GPR149: variants seen among roughly 807,000 people sequenced by gnomAD.
The protein encoded by GPR149 is probable G protein-coupled receptor 149.
Under a neutral mutation model 50.2 loss-of-function variants are expected in GPR149, and 50 were observed. The observed-to-expected ratio is 1.00, with a 90% confidence interval of 0.79 to 1.26. The LOEUF (loss-of-function observed/expected upper bound fraction) is 1.26. Among genes scored for constraint, GPR149 ranks in the 50% most tolerant of loss-of-function variants. The pLI, the probability that GPR149 is intolerant of heterozygous loss-of-function variation, is 0.00. For missense variants in GPR149, 983 were observed against 895.4 expected, an observed-to-expected ratio of 1.10 and a Z score of -1.25; for synonymous variants, 405 against 358.2, an observed-to-expected ratio of 1.13 and a Z score of -1.48.
rs1435626536 is a variant in GPR149, at chr3:154,429,022, G to A, written c.594C>T (p.Tyr198=). 5 of 1,614,046 alleles carry A rather than the reference G, an allele frequency of 3.1e-6. No homozygotes were observed. The highest frequency in any genetic ancestry group is 1.7e-5 in the Admixed American group (1 of 60,032). Residue 198 remains tyrosine (Y), a synonymous_variant, in exon 1 of 4, where the codon TAC becomes TAT. Transcript: ENST00000389740. ...SSYVLFLSIV[Y]ALAFGLLVGL... ...CCACGAGGAGTCCGAAGGCCAAAGC[G>A]TACACGATAGAGAGGAATAGTACGT... is the stretch of plus-strand genomic sequence containing the variant.
chr3:154,419,403 G>T (rs751027622), intron 3 of GPR149, among the ~76,000 whole-genome samples: 8 of 151,940 alleles, frequency 5.3e-5, no homozygotes, highest in Non-Finnish European at 1.0e-4. Context: ...ATGTTAAGTT[G>T]TGGTATTTTA....
At chr3:154,406,263 A>C (rs1169172635) in intron 3 of GPR149, among the ~76,000 whole-genome samples, 1 of 152,226 alleles carries the variant, frequency 6.6e-6, no homozygotes, top group Non-Finnish European at 1.5e-5. Context: ...AAGTGTGATA[A>C]TATACACTGT....
chr3:154,405,796 G>A (rs1024777456), intron 3 of GPR149, among the ~76,000 whole-genome samples: 2 of 151,506 alleles, frequency 1.3e-5, no homozygotes, highest in Non-Finnish European at 2.9e-5. Context: ...ATGGACCTGG[G>A]ATCAAAATAG....
At chr3:154,396,481 C>CG (rs1715296596) in intron 3 of GPR149, among the ~76,000 whole-genome samples, 1 of 152,060 alleles carries the variant, frequency 6.6e-6, no homozygotes, top group South Asian at 2.1e-4. Flanking sequence ...CTCCACAAAT[C>CG]TAAATTTGTT....
At chr3:154,398,083 A>G (rs909105803) in intron 3 of GPR149, among the ~76,000 whole-genome samples, 11 of 152,176 alleles carry the variant, frequency 7.2e-5, no homozygotes, top group African/African-American at 9.7e-5. Flanking sequence ...ATATATACAC[A>G]CTTATACACA....
chr3:154,363,962 A>C (rs879652677), intron 3 of GPR149, among the ~76,000 whole-genome samples: 1 of 152,288 alleles, frequency 6.6e-6, no homozygotes, highest in Non-Finnish European at 1.5e-5. Context: ...TGGGACAAGA[A>C]CCTGGAACTC....
chr3:154,387,311 G>A (rs1214202256), intron 3 of GPR149, among the ~76,000 whole-genome samples: 1 of 152,134 alleles, frequency 6.6e-6, no homozygotes, highest in Non-Finnish European at 1.5e-5. Context: ...CAATTTTCTT[G>A]AGGTACTGTC....
intron 3 of GPR149, among the ~76,000 whole-genome samples, chr3:154,409,148 C>G (rs1020640203): frequency 1.3e-5 from 2 of 152,198 alleles, no homozygotes; most frequent in Admixed American, 6.5e-5. Context: ...ACAGTTTGGC[C>G]TCTGGAAGCC....
At chr3:154,392,444 A>G (rs1715192694) in intron 3 of GPR149, among the ~76,000 whole-genome samples, 1 of 151,860 alleles carries the variant, frequency 6.6e-6, no homozygotes, top group Non-Finnish European at 1.5e-5. Flanking sequence ...AAGAGGTACT[A>G]AGAGAGAAGT....
At chr3:154,390,282 A>C (rs1283210478) in intron 3 of GPR149, among the ~76,000 whole-genome samples, 3 of 152,210 alleles carry the variant, frequency 2.0e-5, no homozygotes, top group Non-Finnish European at 4.4e-5. Flanking sequence ...GATTTACCTG[A>C]TAGAAAATTC....
intron 3 of GPR149, among the ~76,000 whole-genome samples, chr3:154,340,091 C>T (rs1713755901): frequency 6.6e-6 from 1 of 151,986 alleles, no homozygotes; most frequent in Non-Finnish European, 1.5e-5. Flanking sequence ...CGTGCCCGGC[C>T]CACGCTCTAC....
At chr3:154,352,796 C>T in intron 3 of GPR149, 1 of 823,512 alleles carries the variant, frequency 1.2e-6, no homozygotes, top group Admixed American at 1.7e-5. Context: ...GAAGGAACAC[C>T]TACACATTTA....
At chr3:154,411,161 A>G (rs1371801116) in intron 3 of GPR149, among the ~76,000 whole-genome samples, 1 of 152,176 alleles carries the variant, frequency 6.6e-6, no homozygotes, top group African/African-American at 2.4e-5. Context: ...TAGTGACAAA[A>G]CCTATCAAAA....
intron 3 of GPR149, among the ~76,000 whole-genome samples, chr3:154,362,146 G>A (rs566664474): frequency 1.2e-4 from 18 of 151,984 alleles, no homozygotes; most frequent in South Asian, 8.3e-4. Context: ...AAAATTAGCC[G>A]GGCGTGGTGG....
chr3:154,351,032 A>G (rs918883414), intron 3 of GPR149, among the ~76,000 whole-genome samples: 5 of 152,104 alleles, frequency 3.3e-5, no homozygotes, highest in Non-Finnish European at 5.9e-5. Context: ...AATATTTTTG[A>G]TCCAAAGTTG....
intron 3 of GPR149, among the ~76,000 whole-genome samples, chr3:154,387,043 T>TA (rs935047558): frequency 8.9e-4 from 135 of 152,282 alleles, no homozygotes; most frequent in African/African-American, 3.1e-3. Flanking sequence ...TGTTAACATT[T>TA]AAAACCATTA....
intron 3 of GPR149, among the ~76,000 whole-genome samples, chr3:154,396,340 C>A (rs1476944881): frequency 3.9e-5 from 6 of 152,038 alleles, no homozygotes; most frequent in African/African-American, 1.4e-4. Flanking sequence ...CAACAGTATT[C>A]TTGATTATAA....
intron 3 of GPR149, among the ~76,000 whole-genome samples, chr3:154,339,359 A>C (rs183723632): frequency 6.6e-6 from 1 of 152,328 alleles, no homozygotes; most frequent in East Asian, 1.9e-4. Flanking sequence ...GTCCAGAAAA[A>C]AAGGGGTAAT....
At chr3:154,426,897 TGTGTGTG>T (rs1712319392) in intron 2 of GPR149, among the ~76,000 whole-genome samples, 1 of 151,390 alleles carries the variant, frequency 6.6e-6, no homozygotes, top group Non-Finnish European at 1.5e-5. Flanking sequence ...TGTGTGTGTG[TGTGTGTG>T]TGTGTGTGTG....
Sources: gnomAD v4.1 joint callset for allele counts (sites outside exome capture counted in the v4.1 genomes callset) on GRCh38, gnomAD v4.1.1 for gene constraint, MANE v1.5 for transcripts, NCBI Gene and HGNC (gene_info 2026-07-23, HGNC 2026-07-21) for gene names.